The following ABCC4 variants were observed in gnomAD, a reference collection of about 807,000 sequenced individuals.
ABCC4 encodes the protein ATP-binding cassette sub-family C member 4.
In ABCC4, 102 loss-of-function variants were observed where a neutral mutation model predicts 168.5. The ratio of observed to expected loss-of-function variants is 0.61; its 90% CI spans 0.52 to 0.71. The LOEUF (loss-of-function observed/expected upper bound fraction) is 0.71, where lower values mean the gene tolerates loss of function less well. Ranked by LOEUF, ABCC4 falls within the 30% of genes least tolerant of loss-of-function variation. The probability of loss-of-function intolerance (pLI) is 0.00; values close to 1 mark genes in which losing one functional copy is unlikely to be tolerated. For synonymous variants in ABCC4, 617 were observed against 590.7 expected, an observed-to-expected ratio of 1.04 and a Z score of -0.65; for missense variants, 1,402 against 1,605.8, an observed-to-expected ratio of 0.87 and a Z score of 2.17.
chr13:95,272,468 TTC>T (rs1234059384), intron 1 of ABCC4, among the ~76,000 whole-genome samples: 2 of 152,200 alleles, frequency 1.3e-5, no homozygotes, highest in Admixed American at 1.3e-4. Context: ...CCAGCCCAGT[TTC>T]TGTTTAAATG....
intron 25 of ABCC4, among the ~76,000 whole-genome samples, chr13:95,065,566 C>A (rs987606462): frequency 3.9e-5 from 6 of 152,146 alleles, no homozygotes; most frequent in African/African-American, 1.4e-4. Context: ...AACAAATCCC[C>A]TATTTGTGGA....
chr13:95,161,153 A>T, intron 19 of ABCC4, 36 bp downstream of exon 19: 1 of 1,537,944 alleles, frequency 6.5e-7, no homozygotes, highest in Non-Finnish European at 8.7e-7. Flanking sequence ...GTTGTTAACA[A>T]GACATACTTA....
At chr13:95,184,967 C>T (rs1039462656) in intron 11 of ABCC4, among the ~76,000 whole-genome samples, 2 of 152,134 alleles carry the variant, frequency 1.3e-5, no homozygotes, top group Non-Finnish European at 2.9e-5. Flanking sequence ...TACTTTGACC[C>T]TATATTTCTG....
intron 9 of ABCC4, among the ~76,000 whole-genome samples, chr13:95,188,939 A>C (rs2038159419): frequency 6.6e-6 from 1 of 152,120 alleles, no homozygotes; most frequent in Non-Finnish European, 1.5e-5. Context: ...CAGGTTTGTT[A>C]CATAGGTATA....
intron 1 of ABCC4, among the ~76,000 whole-genome samples, chr13:95,276,681 T>C (rs944388173): frequency 2.0e-5 from 3 of 152,026 alleles, no homozygotes; most frequent in African/African-American, 7.2e-5. Context: ...CTTCAACCCC[T>C]CTCAAACCAC....
chr13:95,083,417 T>C, intron 20 of ABCC4, 127 bp from the exon 21 acceptor site: 1 of 1,125,994 alleles, frequency 8.9e-7, no homozygotes, highest in Non-Finnish European at 1.2e-6. Context: ...GGACTGCTTT[T>C]CCATACAAAG....
At chr13:95,178,528 C>T (rs1228126844) in intron 11 of ABCC4, among the ~76,000 whole-genome samples, 2 of 152,202 alleles carry the variant, frequency 1.3e-5, no homozygotes, top group Non-Finnish European at 2.9e-5. Flanking sequence ...GGGAGGTCAA[C>T]AAGGGCTCTG....
rs557117804 is a variant in ABCC4 at position 95,168,349 on chromosome 13, C to A, written c.1825-1982G>T. On this transcript the variant is annotated intron_variant, in intron 14 of 30. Transcript: ENST00000645237. ...GTGGGGAAGAGCCAGCACACGGAACCACTTCTGAAGAGGCAGCAGTTCTGC... is the reference window on the plus strand; with the variant it reads ...GTGGGGAAGAGCCAGCACACGGAACAACTTCTGAAGAGGCAGCAGTTCTGC... Among the ~76,000 whole-genome samples the A allele has an allele frequency of 3.9e-5, 6 of 152,246 alleles. No individual in the cohort carries two copies. In the South Asian group the frequency reaches 1.2e-3, roughly 32 times the overall value.
rs769111358 is a variant in ABCC4 at position 95,043,057 on chromosome 13, A to G, written c.3735+625T>C. Among the ~76,000 whole-genome samples the G allele has an allele frequency of 3.9e-5, 6 of 152,294 alleles. No individual in the cohort carries two copies. The East Asian group carries it at 7.7e-4, about 20-fold the overall frequency. ...AGTGCTGAGATTACAGGCATGAGCCACCGTGCCTGGCCTTGCTTCCTAAAA... is the reference window on the plus strand; with the variant it reads ...AGTGCTGAGATTACAGGCATGAGCCGCCGTGCCTGGCCTTGCTTCCTAAAA... On this transcript the variant is annotated intron_variant, in intron 29 of 30. Transcript: ENST00000645237.
intron 19 of ABCC4, among the ~76,000 whole-genome samples, chr13:95,151,694 A>C (rs1301050336): frequency 2.6e-5 from 4 of 152,146 alleles, no homozygotes; most frequent in Non-Finnish European, 4.4e-5. Context: ...GCAACTATTT[A>C]AGTTTGCAAG....
intron 20 of ABCC4, among the ~76,000 whole-genome samples, chr13:95,095,264 A>G (rs1566411732): frequency 6.6e-6 from 1 of 151,982 alleles, no homozygotes; most frequent in Non-Finnish European, 1.5e-5. Context: ...TCAATCAATG[A>G]GTGGATAAAG....
chr13:95,049,006 G>C (rs2032711811), intron 27 of ABCC4, among the ~76,000 whole-genome samples: 1 of 152,130 alleles, frequency 6.6e-6, no homozygotes, highest in Admixed American at 6.6e-5. Context: ...CTATTTTTCA[G>C]TATTTACGAT....
chr13:95,023,373 A>G (rs185623451), intron 30 of ABCC4, among the ~76,000 whole-genome samples: 30 of 152,306 alleles, frequency 2.0e-4, no homozygotes, highest in African/African-American at 7.2e-4. Context: ...GTTTTATAAC[A>G]CACTATGGGT....
chr13:95,240,531 A>AACAC lies in ABCC4; in HGVS notation c.307-5701_307-5698dup, dbSNP rs56298285. On this transcript the variant is annotated intron_variant, in intron 3 of 30. Transcript: ENST00000645237. ...GGGCAAGAGCAAAACTCCATCTCAA[A>AACAC]ACACACACACACACACACACACACA... 4.6e-3 allele frequency among the ~76,000 whole-genome samples: 685 copies of AACAC among 149,654 alleles called. 7 individuals are homozygous for AACAC. Among genetic ancestry groups the AACAC allele is most frequent in the African/African-American group, 0.015 (620 of 40,568 alleles).
chr13:95,206,860 T>G, intron 7 of ABCC4, 79 bp from the exon 8 acceptor site: 1 of 1,500,198 alleles, frequency 6.7e-7, no homozygotes, highest in Non-Finnish European at 9.1e-7. Context: ...CTCAGCACTT[T>G]GGGAGCTGAG....
At chr13:95,196,729 G>GAAGA (rs760009187) in intron 8 of ABCC4, among the ~76,000 whole-genome samples, 10 of 102,230 alleles carry the variant, frequency 9.8e-5, no homozygotes, top group South Asian at 3.5e-4. Context: ...AGGAAGGAAG[G>GAAGA]AAGAAGGGAG....
At chr13:95,025,539 T>C (rs1440641410) in intron 30 of ABCC4, among the ~76,000 whole-genome samples, 1 of 104,482 alleles carries the variant, frequency 9.6e-6, no homozygotes, top group Non-Finnish European at 2.0e-5. Flanking sequence ...CTCTGGGTCA[T>C]AAAGTACTTC....
chr13:95,236,851 T>C (rs1566556186), intron 3 of ABCC4, among the ~76,000 whole-genome samples: 1 of 152,290 alleles, frequency 6.6e-6, no homozygotes, highest in Non-Finnish European at 1.5e-5. Flanking sequence ...ACGGACTGTT[T>C]AGAGTTTACT....
At chr13:95,287,392 G>T (rs1006131208) in intron 1 of ABCC4, among the ~76,000 whole-genome samples, 1 of 151,920 alleles carries the variant, frequency 6.6e-6, no homozygotes, top group East Asian at 1.9e-4. Context: ...TTCAAGACCA[G>T]CCTGGCCAAC....
Sources: gnomAD v4.1 joint callset for allele counts (sites outside exome capture counted in the v4.1 genomes callset) on GRCh38, gnomAD v4.1.1 for gene constraint, MANE v1.5 for transcripts, NCBI Gene and HGNC (gene_info 2026-07-23, HGNC 2026-07-21) for gene names.